LPIN3: variants seen among roughly 807,000 people sequenced by gnomAD.
The protein encoded by LPIN3 is lipin 3.
A neutral mutation model predicts 94.7 loss-of-function variants in LPIN3; 82 were observed. That is an observed-to-expected ratio of 0.87 (90% confidence interval 0.72 to 1.04). The LOEUF (loss-of-function observed/expected upper bound fraction) is 1.04. Ranked by LOEUF, LPIN3 falls within the 50% of genes least tolerant of loss-of-function variation. The probability of loss-of-function intolerance (pLI) is 0.00; values close to 1 mark genes in which losing one functional copy is unlikely to be tolerated. For synonymous variants in LPIN3, 418 were observed against 443.3 expected (o/e 0.94, Z 0.72); for missense variants, 996 against 1,090.5 (o/e 0.91, Z 1.22).
intron 1 of LPIN3, among the ~76,000 whole-genome samples, chr20:41,343,393 G>A (rs753404391): frequency 3.3e-5 from 5 of 152,230 alleles, no homozygotes; most frequent in Non-Finnish European, 7.3e-5. Flanking sequence ...CCCCAGACCT[G>A]TATTCAGAGT....
chr20:41,358,673 A>G, intron 19 of LPIN3, 49 bp from the exon 20 acceptor site: 6 of 1,607,848 alleles, frequency 3.7e-6, no homozygotes, highest in Non-Finnish European at 4.2e-6. Context: ...GGCCAAGGCC[A>G]TCGTTTGGTG....
At chr20:41,344,877 CT>C (rs995938688) in intron 1 of LPIN3, among the ~76,000 whole-genome samples, 4 of 152,312 alleles carry the variant, frequency 2.6e-5, no homozygotes, top group African/African-American at 7.2e-5. Context: ...CTGGACACCG[CT>C]GGGGTCAGGC....
chr20:41,348,882 C>T lies in LPIN3; in HGVS notation c.552C>T (p.Pro184=), dbSNP rs1327116616. ...TGCCGGAAAAGCTGAGGCCAGAGCCCCCAGGGTGTGTAAGGACCAAGGGAC... is the reference window on the plus strand; with the variant it reads ...TGCCGGAAAAGCTGAGGCCAGAGCCTCCAGGGTGTGTAAGGACCAAGGGAC... ...LSLPEKLRPE[P]PGVQLEEKSS... is the part of the protein sequence containing the mutation. Residue 184 remains proline (P), a synonymous_variant, in exon 4 of 20, where the codon CCC becomes CCT. Coordinates refer to ENST00000373257, the MANE Select transcript of LPIN3 (RefSeq NM_022896.3). The T allele has an allele frequency of 2.9e-5, 46 of 1,603,264 alleles. No homozygotes were observed. The highest frequency in any genetic ancestry group is 3.8e-5 in the Non-Finnish European group (45 of 1,174,738).
At position 41,352,217 on chromosome 20, in the gene LPIN3, C is replaced by T. The variant is rs140946879; in HGVS notation, c.1360C>T (p.Leu454=). 1,909 of 1,614,118 alleles carry T rather than the reference C, an allele frequency of 1.2e-3. 16 individuals carry two copies. Among genetic ancestry groups the T allele is most frequent in the Middle Eastern group, 6.6e-3 (40 of 6,062 alleles). The stretch of plus-strand genomic sequence containing the variant: ...ACTGGCTGACAGCCGGGACATCTCC[C>T]TAGGTATGTTCGACCATGGCCAAGC... ...GGLADSRDIS[L]EKFNQHSVSY... is the part of the protein sequence containing the mutation. Residue 454 remains leucine (L), a synonymous_variant, in exon 9 of 20, where the codon CTA becomes TTA. Transcript: ENST00000373257.
At chr20:41,344,655 T>C (rs550880604) in intron 1 of LPIN3, among the ~76,000 whole-genome samples, 11 of 152,252 alleles carry the variant, frequency 7.2e-5, no homozygotes, top group Admixed American at 5.9e-4. Context: ...AGCCCTGTTT[T>C]TTCTCTGAGG....
In LPIN3 at chr20:41,349,865, A is replaced by G; in HGVS notation, c.730A>G (p.Met244Val). The G allele has an allele frequency of 6.2e-7, 1 of 1,613,530 alleles. No individual in the cohort carries two copies. The highest frequency in any genetic ancestry group is 1.3e-5 in the African/African-American group (1 of 75,052). Residue 244 changes from methionine (M) to valine (V), a missense_variant, in exon 6 of 20, where the codon ATG becomes GTG. Transcript: ENST00000373257. ...CAGTCCCCTAAGAGCCGAGTCCCAC[A>G]TGCAGTGGGCCTGGGGGAGGCTGCC... is the stretch of plus-strand genomic sequence containing the variant. ...EPSPLRAESH[M>V]QWAWGRLPKV...
At position 41,358,756 on chromosome 20, in the gene LPIN3, T is replaced by C. The variant is rs202035187; in HGVS notation, c.2446T>C (p.Phe816Leu). The C allele has an allele frequency of 5.0e-5, 81 of 1,613,134 alleles. 1 individual carries two copies. In the East Asian group the frequency reaches 1.7e-3, roughly 35 times the overall value. ...ERLGEVVELL[F>L]PPVARGPSTD... ...GCTTGGTGAAGTGGTCGAGCTCCTC[T>C]TCCCACCTGTGGCCCGTGGCCCCAG... The change falls in exon 20 of 20, where the codon TTC becomes CTC. Residue 816 changes from phenylalanine (F) to leucine (L), a missense_variant. Phe to Leu is a conservative substitution (Grantham distance 22). Transcript: ENST00000373257.
chr20:41,349,218 T>G, intron 5 of LPIN3, 46 bp downstream of exon 5: 1 of 1,556,606 alleles, frequency 6.4e-7, no homozygotes, highest in Non-Finnish European at 8.8e-7. Flanking sequence ...GATCAAGGTC[T>G]GAGGTTTCCA....
rs967442377 is a variant in LPIN3 at position 41,359,991 on chromosome 20, G to A, written c.*1125G>A. ...GACCGGCTAAAAGCTTTAATCCAGA[G>A]CCTGCCCTACTCTGATAGTACCAGA... On this transcript the variant is annotated 3_prime_UTR_variant, in exon 20 of 20. Coordinates refer to ENST00000373257, the MANE Select transcript of LPIN3 (RefSeq NM_022896.3). The A allele has an allele frequency of 1.3e-5, 2 of 152,562 alleles. No individual in the cohort carries two copies. The highest frequency in any genetic ancestry group is 4.8e-5 in the African/African-American group (2 of 41,412). The allele number at this position is 152,562 out of a possible 1,614,324, so 9.5% of individuals were successfully genotyped here.
At chr20:41,342,742 C>T (rs550784046) in intron 1 of LPIN3, among the ~76,000 whole-genome samples, 1 of 151,820 alleles carries the variant, frequency 6.6e-6, no homozygotes, top group Non-Finnish European at 1.5e-5. Flanking sequence ...CCCAAAATGC[C>T]GAGCAGGCAG....
In LPIN3 at chr20:41,359,525, AG is replaced by A. The variant is rs1462133804; in HGVS notation, c.*661del. Reference sequence around the variant, plus strand: ...TCTTGATAGGACAGGGAGAAGAGGGAGGCCCTACCGAGGCTCGAGGCTTCAG... The same window carrying A: ...TCTTGATAGGACAGGGAGAAGAGGGAGCCCTACCGAGGCTCGAGGCTTCAG... On this transcript the variant is annotated 3_prime_UTR_variant, in exon 20 of 20. Transcript: ENST00000373257. The A allele has an allele frequency of 6.6e-6, 1 of 152,148 alleles. No individual in the cohort carries two copies. The highest frequency in any genetic ancestry group is 2.4e-5 in the African/African-American group (1 of 41,412). The allele number at this position is 152,148 out of a possible 1,614,324, so 9.4% of individuals were successfully genotyped here.
chr20:41,351,875 T>A lies in LPIN3; in HGVS notation c.1157T>A (p.Leu386Ter). The change falls in exon 8 of 20, where the codon TTG (leucine) becomes TAG (stop). Residue 386 changes from leucine to a stop codon, truncating the protein, a stop_gained. Transcript: ENST00000373257. LOFTEE classifies it high-confidence loss of function. ...CCCAGTGACATCTACCTGGATGACT[T>A]GCCCTCCCTGGACTCTGAGAATGCA... Reference protein sequence around the residue: ...LGPSDIYLDDLPSLDSENAAL... With the variant: ...LGPSDIYLDD 6.2e-7 allele frequency: 1 copy of A among 1,614,234 alleles called. No individual in the cohort carries two copies. Among genetic ancestry groups the A allele is most frequent in the South Asian group, 1.1e-5 (1 of 91,086 alleles).
At chr20:41,356,980 A>G (rs2046229322) in intron 14 of LPIN3, 60 bp from the exon 15 acceptor site, 5 of 1,581,732 alleles carry the variant, frequency 3.2e-6, no homozygotes, top group Non-Finnish European at 4.3e-6. Context: ...GCGTAAGGGG[A>G]GAGGTAGGCA....
chr20:41,357,386 C>T lies in LPIN3; in HGVS notation c.1978C>T (p.Pro660Ser), dbSNP rs769780618. The change falls in exon 16 of 20, where the codon CCC (proline) becomes TCC (serine). Residue 660 changes from proline to serine, a missense_variant. Transcript: ENST00000373257. ...GTCAGATGCTCTGGGCCATATCCTG[C>T]CCCAGCTGGGGAAAGACTGGACACA... The part of the protein sequence containing the change: ...TKSDALGHIL[P>S]QLGKDWTHQG... 2 of 1,614,010 alleles carry T rather than the reference C, an allele frequency of 1.2e-6. No homozygotes were observed. The highest frequency in any genetic ancestry group is 1.3e-5 in the African/African-American group (1 of 75,038).
intron 1 of LPIN3, among the ~76,000 whole-genome samples, chr20:41,341,757 G>A (rs2045588151): frequency 6.6e-6 from 1 of 152,198 alleles, no homozygotes; most frequent in African/African-American, 2.4e-5. Context: ...TGAGGCGGGT[G>A]GATCATGAGG....
intron 16 of LPIN3, 135 bp downstream of exon 16, chr20:41,357,582 C>G: frequency 2.5e-6 from 2 of 788,464 alleles, no homozygotes; most frequent in Non-Finnish European, 4.0e-6. Context: ...GTGCTGAGAC[C>G]TCTCTATTGG....
At chr20:41,344,033 G>C (rs1480918643) in intron 1 of LPIN3, among the ~76,000 whole-genome samples, 1 of 151,948 alleles carries the variant, frequency 6.6e-6, no homozygotes, top group Admixed American at 6.6e-5. Context: ...CTGCACACCA[G>C]CCTGGGTAAC....
chr20:41,343,088 T>C (rs777746874), intron 1 of LPIN3, among the ~76,000 whole-genome samples: 3 of 152,188 alleles, frequency 2.0e-5, no homozygotes, highest in Non-Finnish European at 4.4e-5. Context: ...TGGCATCTAA[T>C]GGGCAGAGAC....
Position 41,357,925 on chromosome 20 carries a change from A to G in LPIN3, c.2083A>G (p.Met695Val), listed in dbSNP as rs1411791892. 2 of 1,613,980 alleles carry G rather than the reference A, an allele frequency of 1.2e-6. No homozygotes were observed. The highest frequency in any genetic ancestry group is 1.3e-5 in the African/African-American group (1 of 74,934). The change falls in exon 17 of 20, where the codon ATG becomes GTG. Residue 695 changes from methionine to valine, a missense_variant. Met to Val is a conservative substitution (Grantham distance 21). Coordinates refer to ENST00000373257, the MANE Select transcript of LPIN3 (RefSeq NM_022896.3). The stretch of plus-strand genomic sequence containing the variant: ...GTACTGCTCGGCGCGGGCCATTGGC[A>G]TGGCGGACCTCACCAAGGGGTACCT... ...FLYCSARAIG[M>V]ADLTKGYLQW...
Sources: gnomAD v4.1 joint callset for allele counts (sites outside exome capture counted in the v4.1 genomes callset) on GRCh38, gnomAD v4.1.1 for gene constraint, MANE v1.5 for transcripts, NCBI Gene and HGNC (gene_info 2026-07-23, HGNC 2026-07-21) for gene names.